PLD5: variants seen among roughly 807,000 people sequenced by gnomAD.
PLD5 encodes phospholipase D family member 5, also known as inactive phospholipase D5.
A neutral mutation model predicts 61.1 loss-of-function variants in PLD5; 36 were observed. The observed-to-expected ratio is 0.59, with a 90% CI of 0.45 to 0.78. PLD5 has a LOEUF of 0.78. PLD5 is among the 30% of genes least tolerant of loss of function. The pLI is 0.00. For synonymous variants in PLD5, 243 were observed against 242.8 expected (o/e 1.00, Z -0.01); for missense variants, 515 against 644.4 (o/e 0.80, Z 2.17).
chr1:242,207,964 T>TTATATATATTTA lies in PLD5; in HGVS notation c.735+12023_735+12024insTAAATATATATA, dbSNP rs1558344872. On this transcript the variant is annotated intron_variant, in intron 5 of 9. Coordinates refer to ENST00000536534, the MANE Select transcript of PLD5 (RefSeq NM_001372062.1). ...TTTATATATATTTATTTATATATATTTATATATATTTTTATATATATATTT... is the reference window on the plus strand; with the variant it reads ...TTTATATATATTTATTTATATATATTTATATATATTTATATATATATTTTTATATATATATTT... Among the ~76,000 whole-genome samples the TTATATATATTTA allele has an allele frequency of 6.1e-5, 2 of 32,804 alleles. 1 individual carries two copies. Among genetic ancestry groups the TTATATATATTTA allele is most frequent in the African/African-American group, 3.1e-4 (2 of 6,536 alleles). The allele number at this position is 32,804 out of a possible 152,430, so 21.5% of individuals were successfully genotyped here.
chr1:242,268,648 G>A (rs1367223017), intron 3 of PLD5, among the ~76,000 whole-genome samples: 1 of 152,080 alleles, frequency 6.6e-6, no homozygotes, highest in Non-Finnish European at 1.5e-5. Flanking sequence ...TAACGATCTT[G>A]GGCTTGGGTA....
chr1:242,254,085 T>C (rs2149086717), intron 4 of PLD5, among the ~76,000 whole-genome samples: 1 of 152,280 alleles, frequency 6.6e-6, no homozygotes, highest in East Asian at 1.9e-4. Context: ...TAATGTATGA[T>C]TAAAACCGGG....
chr1:242,475,196 C>G (rs1396679505), intron 1 of PLD5, among the ~76,000 whole-genome samples: 1 of 152,142 alleles, frequency 6.6e-6, no homozygotes, highest in African/African-American at 2.4e-5. Flanking sequence ...CACGTGCGCA[C>G]GCACACACAC....
intron 5 of PLD5, among the ~76,000 whole-genome samples, chr1:242,213,112 C>T (rs557759259): frequency 3.9e-5 from 6 of 152,188 alleles, no homozygotes; most frequent in African/African-American, 9.7e-5. Context: ...GGCTCCCTTC[C>T]CCCGTGGTGA....
chr1:242,527,218 C>T (rs1024618096), upstream of PLD5, among the ~76,000 whole-genome samples: 1 of 145,938 alleles, frequency 6.9e-6, no homozygotes, highest in African/African-American at 2.5e-5. Flanking sequence ...GCAATCCCCA[C>T]CTCCCAGGTT....
At chr1:242,122,016 C>G (rs998571210) in intron 6 of PLD5, among the ~76,000 whole-genome samples, 8 of 152,030 alleles carry the variant, frequency 5.3e-5, no homozygotes, top group South Asian at 2.1e-4. Context: ...GTGCAGCACA[C>G]CAACATGGCA....
At chr1:242,220,249 A>AG in intron 4 of PLD5, 134 bp from the exon 5 acceptor site, 2 of 1,169,634 alleles carry the variant, frequency 1.7e-6, no homozygotes, top group Non-Finnish European at 1.2e-6. Context: ...TATTTATGTT[A>AG]GTTTGGTGGA....
chr1:242,372,031 C>G (rs1026081807), intron 1 of PLD5, among the ~76,000 whole-genome samples: 1 of 152,118 alleles, frequency 6.6e-6, no homozygotes, highest in African/African-American at 2.4e-5. Flanking sequence ...TCCCCACACC[C>G]CCGCCCTGAC....
chr1:242,282,647 A>G (rs1023686405), intron 3 of PLD5, among the ~76,000 whole-genome samples: 4 of 152,086 alleles, frequency 2.6e-5, no homozygotes, highest in African/African-American at 4.8e-5. Context: ...TAGGTTCCTC[A>G]CAGTGAATTC....
Position 242,089,056 on chromosome 1 carries a change from G to C in PLD5, c.*798C>G. On this transcript the variant is annotated 3_prime_UTR_variant, in exon 10 of 10. Transcript: ENST00000536534. ...CTACATAATTTTTCTGAGCTTGAGA[G>C]AAAGGATACATATTGCTGACTGTGA... is the stretch of plus-strand genomic sequence containing the variant. 1 of 343,486 alleles carries C rather than the reference G, an allele frequency of 2.9e-6. No homozygotes were observed. Among genetic ancestry groups the C allele is most frequent in the Non-Finnish European group, 5.2e-6 (1 of 191,996 alleles). The allele number at this position is 343,486 out of a possible 1,614,324, so 21.3% of individuals were successfully genotyped here.
intron 1 of PLD5, among the ~76,000 whole-genome samples, chr1:242,503,308 C>T (rs574181668): frequency 1.3e-5 from 2 of 152,084 alleles, no homozygotes; most frequent in Non-Finnish European, 2.9e-5. Flanking sequence ...GTGGCCCCTC[C>T]CATTCACTCT....
intron 1 of PLD5, among the ~76,000 whole-genome samples, chr1:242,363,884 G>T (rs1218033790): frequency 3.3e-5 from 5 of 152,084 alleles, no homozygotes; most frequent in Admixed American, 2.0e-4. Flanking sequence ...AAAGATTAAT[G>T]AACTCCAGGA....
upstream of PLD5, among the ~76,000 whole-genome samples, chr1:242,529,447 T>C (rs951890903): frequency 6.6e-6 from 1 of 152,102 alleles, no homozygotes; most frequent in Non-Finnish European, 1.5e-5. Flanking sequence ...TCCTGCAAAG[T>C]AAACAGAGCC....
rs138948726 is a variant in PLD5 at position 242,512,222 on chromosome 1, T to C, written c.189+11866A>G. On this transcript the variant is annotated intron_variant, in intron 1 of 9. Transcript: ENST00000536534. ...GTCAGGAGATCGAGACCATCCTGGC[T>C]AACACGGTGAAACCTCGTCTCTACT... is the stretch of plus-strand genomic sequence containing the variant. Among the ~76,000 whole-genome samples, 1,077 of 148,768 alleles carry C rather than the reference T, an allele frequency of 7.2e-3. 6 individuals are homozygous for C. Among genetic ancestry groups the C allele is most frequent in the Middle Eastern group, 0.021 (6 of 284 alleles).
intron 5 of PLD5, among the ~76,000 whole-genome samples, chr1:242,163,696 T>A (rs930531900): frequency 6.6e-6 from 1 of 152,002 alleles, no homozygotes; most frequent in South Asian, 2.1e-4. Context: ...TTGGGCTGGG[T>A]TGACTAGGAA....
intron 2 of PLD5, among the ~76,000 whole-genome samples, chr1:242,297,855 G>A (rs555881237): frequency 6.6e-6 from 1 of 151,386 alleles, no homozygotes; most frequent in East Asian, 2.0e-4. Flanking sequence ...TAGCCAGGAT[G>A]GTCTCGATCT....
At chr1:242,306,940 G>A (rs1676401624) in intron 2 of PLD5, among the ~76,000 whole-genome samples, 1 of 152,274 alleles carries the variant, frequency 6.6e-6, no homozygotes, top group African/African-American at 2.4e-5. Flanking sequence ...TCCTGGAGAA[G>A]GAATCAAGGA....
chr1:242,514,584 CTAAAA>C (rs1207221138), intron 1 of PLD5, among the ~76,000 whole-genome samples: 4 of 151,370 alleles, frequency 2.6e-5, no homozygotes, highest in African/African-American at 7.3e-5. Context: ...CGCCCAAGAC[CTAAAA>C]TAAAAGTTGA....
intron 5 of PLD5, among the ~76,000 whole-genome samples, chr1:242,207,044 C>T (rs1669361806): frequency 6.6e-6 from 1 of 152,150 alleles, no homozygotes; most frequent in Admixed American, 6.5e-5. Context: ...AAACCCCACT[C>T]TTGTTTGGGA....
Sources: gnomAD v4.1 joint callset for allele counts (sites outside exome capture counted in the v4.1 genomes callset) on GRCh38, gnomAD v4.1.1 for gene constraint, MANE v1.5 for transcripts, NCBI Gene and HGNC (gene_info 2026-07-23, HGNC 2026-07-21) for gene names.